POU6F2: variants seen among roughly 807,000 people sequenced by gnomAD.
POU6F2 encodes the protein POU class 6 homeobox 2.
A neutral mutation model predicts 71.3 loss-of-function variants in POU6F2; 31 were observed. The observed-to-expected ratio is 0.43, with a 90% CI of 0.33 to 0.59. The LOEUF (loss-of-function observed/expected upper bound fraction) is 0.59, where lower values mean the gene tolerates loss of function less well. Ranked by LOEUF, POU6F2 falls within the 20% of genes least tolerant of loss-of-function variation. The probability of loss-of-function intolerance (pLI) is 0.04; values close to 1 mark genes in which losing one functional copy is unlikely to be tolerated. For missense variants in POU6F2, 783 were observed against 856.8 expected, an observed-to-expected ratio of 0.91 and a Z score of 1.07; for synonymous variants, 347 against 355.7, an observed-to-expected ratio of 0.98 and a Z score of 0.27.
At chr7:39,065,036 TAAAG>T (rs1418616788) in intron 1 of POU6F2, among the ~76,000 whole-genome samples, 1 of 151,742 alleles carries the variant, frequency 6.6e-6, no homozygotes, top group African/African-American at 2.4e-5. Flanking sequence ...AATAATAACT[TAAAG>T]AATTAAAACC....
intron 6 of POU6F2, among the ~76,000 whole-genome samples, chr7:39,416,198 A>G (rs1222978419): frequency 6.6e-6 from 1 of 151,892 alleles, no homozygotes; most frequent in Non-Finnish European, 1.5e-5. Flanking sequence ...TTTGATTGGT[A>G]TTTTTACTAT....
intron 1 of POU6F2, among the ~76,000 whole-genome samples, chr7:39,064,481 AC>A (rs1402485200): frequency 2.0e-5 from 3 of 151,922 alleles, no homozygotes; most frequent in Non-Finnish European, 2.9e-5. Context: ...AAACAAAAAA[AC>A]AAATGAGACG....
intron 1 of POU6F2, among the ~76,000 whole-genome samples, chr7:38,989,860 G>T (rs1025274276): frequency 4.6e-5 from 7 of 150,910 alleles, no homozygotes; most frequent in African/African-American, 1.7e-4. Context: ...AAATTCCCAT[G>T]CGTAATTTCA....
intron 4 of POU6F2, among the ~76,000 whole-genome samples, chr7:39,316,034 A>G (rs1163385341): frequency 6.6e-6 from 1 of 152,168 alleles, no homozygotes; most frequent in African/African-American, 2.4e-5. Context: ...TCGATTTAGC[A>G]CTGTGTCCTG....
intron 4 of POU6F2, among the ~76,000 whole-genome samples, chr7:39,233,387 T>G (rs1794613381): frequency 6.6e-6 from 1 of 152,210 alleles, no homozygotes; most frequent in African/African-American, 2.4e-5. Context: ...GCTGCCTTAT[T>G]AATTAAGTAA....
At chr7:39,251,902 T>C (rs1381849053) in intron 4 of POU6F2, among the ~76,000 whole-genome samples, 1 of 152,094 alleles carries the variant, frequency 6.6e-6, no homozygotes, top group African/African-American at 2.4e-5. Flanking sequence ...ACCCTGAAGT[T>C]TGATCATAAC....
At chr7:39,184,044 G>A (rs1490192066) in intron 2 of POU6F2, among the ~76,000 whole-genome samples, 1 of 152,158 alleles carries the variant, frequency 6.6e-6, no homozygotes, top group African/African-American at 2.4e-5. Flanking sequence ...GCAAATGCCA[G>A]GGTCCTCCCT....
At chr7:39,258,969 A>AT (rs1300584113) in intron 4 of POU6F2, among the ~76,000 whole-genome samples, 1 of 152,122 alleles carries the variant, frequency 6.6e-6, no homozygotes, top group African/African-American at 2.4e-5. Context: ...ATTGCACCTA[A>AT]TTTTTTTCTT....
chr7:39,097,074 T>C (rs1222622946), intron 2 of POU6F2, among the ~76,000 whole-genome samples: 6 of 152,180 alleles, frequency 3.9e-5, no homozygotes, highest in Admixed American at 3.9e-4. Flanking sequence ...TTACAATGGT[T>C]ATCAAGTTTT....
rs539821276 is a variant in POU6F2, at chr7:39,233,155, A to C, written c.598+25535A>C. Among the ~76,000 whole-genome samples, 4 of 152,310 alleles carry C rather than the reference A, an allele frequency of 2.6e-5. No individual in the cohort carries two copies. In the East Asian group the frequency reaches 7.7e-4, roughly 29 times the overall value. On this transcript the variant is annotated intron_variant, in intron 4 of 9. Transcript: ENST00000518318. ...TACCAGTTGTCTGGAACCTCAGCCC[A>C]CATTCTCAATATTATATTCTAGTGT...
chr7:39,034,397 A>G, intron 1 of POU6F2: 1 of 328,390 alleles, frequency 3.0e-6, no homozygotes, highest in Non-Finnish European at 6.7e-6. Context: ...GGGGGGAGGC[A>G]GATAGAGAAG....
chr7:39,466,174 C>T lies in POU6F2; in HGVS notation c.*1488C>T, dbSNP rs927906974. On this transcript the variant is annotated 3_prime_UTR_variant, in exon 10 of 10. Transcript: ENST00000518318. ...AACAACTGGAATTGGGGGCCAGGTTCTTCAGGGGAAAGGAAGTTTGAAGAA... is the reference window on the plus strand; with the variant it reads ...AACAACTGGAATTGGGGGCCAGGTTTTTCAGGGGAAAGGAAGTTTGAAGAA... 2 of 152,124 alleles carry T rather than the reference C, an allele frequency of 1.3e-5. No homozygotes were observed. The highest frequency in any genetic ancestry group is 2.9e-5 in the Non-Finnish European group (2 of 68,024). The allele number at this position is 152,124 out of a possible 1,614,324, so 9.4% of individuals were successfully genotyped here.
chr7:39,147,088 A>AT (rs1792639559), intron 2 of POU6F2, among the ~76,000 whole-genome samples: 1 of 152,186 alleles, frequency 6.6e-6, no homozygotes, highest in African/African-American at 2.4e-5. Flanking sequence ...AAAACATTAT[A>AT]TTATCTGAGT....
At chr7:39,427,985 G>T (rs1788012673) in intron 6 of POU6F2, among the ~76,000 whole-genome samples, 1 of 152,116 alleles carries the variant, frequency 6.6e-6, no homozygotes. Context: ...CATCTCTATT[G>T]ACTACCTCAA....
intron 1 of POU6F2, among the ~76,000 whole-genome samples, chr7:39,074,054 A>G (rs1270640901): frequency 6.6e-6 from 1 of 152,222 alleles, no homozygotes; most frequent in Non-Finnish European, 1.5e-5. Flanking sequence ...TTTTATTTTT[A>G]AAAATCTAAA....
intron 4 of POU6F2, among the ~76,000 whole-genome samples, chr7:39,304,165 TA>T (rs1224932682): frequency 6.6e-6 from 1 of 151,950 alleles, no homozygotes; most frequent in Non-Finnish European, 1.5e-5. Context: ...AATGAAAAGA[TA>T]AAAAACAAAC....
At chr7:39,323,143 G>A (rs1485156625) in intron 4 of POU6F2, among the ~76,000 whole-genome samples, 1 of 152,024 alleles carries the variant, frequency 6.6e-6, no homozygotes, top group African/African-American at 2.4e-5. Flanking sequence ...CATAAAAATG[G>A]TTACCTTCTT....
rs565748819 is a variant in POU6F2 at position 38,995,053 on chromosome 7, C to T, written c.105+16995C>T. On this transcript the variant is annotated intron_variant, in intron 1 of 9. Coordinates refer to ENST00000518318, the MANE Select transcript of POU6F2 (RefSeq NM_001370959.1). ...TTGCAGAAATCCCTGGAAAGCCATG[C>T]ATATTCATTATATTGACCATAGAAT... Among the ~76,000 whole-genome samples, 3 of 152,300 alleles carry T rather than the reference C, an allele frequency of 2.0e-5. No homozygotes were observed. In the South Asian group the frequency reaches 6.2e-4, roughly 32 times the overall value.
chr7:39,057,337 A>T (rs1002486354), intron 1 of POU6F2, among the ~76,000 whole-genome samples: 1 of 152,262 alleles, frequency 6.6e-6, no homozygotes, highest in Admixed American at 6.5e-5. Context: ...TGAAAAGAAA[A>T]AGTGGTAGAT....
Sources: allele counts gnomAD v4.1 joint callset (sites outside exome capture counted in the v4.1 genomes callset), GRCh38; gene constraint gnomAD v4.1.1; transcripts MANE v1.5; gene names NCBI Gene and HGNC (gene_info 2026-07-23, HGNC 2026-07-21).